CCN4: variants seen among roughly 807,000 people sequenced by gnomAD.
CCN4 encodes CCN family member 4.
Under a neutral mutation model 36.7 loss-of-function variants are expected in CCN4, and 30 were observed. The observed-to-expected ratio is 0.82, with a 90% CI of 0.61 to 1.11. The LOEUF (loss-of-function observed/expected upper bound fraction) is 1.11, where lower values mean the gene tolerates loss of function less well. CCN4 is among the 50% of genes least tolerant of loss of function. The probability of loss-of-function intolerance (pLI) is 0.00; values close to 1 mark genes in which losing one functional copy is unlikely to be tolerated. For missense variants in CCN4, 505 were observed against 504.9 expected, an observed-to-expected ratio of 1.00 and a Z score of 0.00; for synonymous variants, 191 against 195.4, an observed-to-expected ratio of 0.98 and a Z score of 0.19.
In CCN4 at chr8:133,228,345, T is replaced by A. The variant is rs985785823; in HGVS notation, c.*635T>A. On this transcript the variant is annotated 3_prime_UTR_variant, in exon 5 of 5. Transcript: ENST00000250160. ...TAAGTTTCTCTTCACCCCTACACTG[T>A]GAAGGGTACAGATTAGGTTTGTCCC... The A allele has an allele frequency of 6.6e-6, 1 of 152,428 alleles. No individual in the cohort carries two copies. Among genetic ancestry groups the A allele is most frequent in the African/African-American group, 2.4e-5 (1 of 41,462 alleles). 9.4% of individuals were successfully genotyped at this position (152,428 alleles called of 1,614,324 possible). A position where few individuals can be genotyped will look rare whatever the true frequency, so the allele number is the denominator to read the frequency against.
At chr8:133,195,679 C>T (rs945591806) in intron 1 of CCN4, among the ~76,000 whole-genome samples, 2 of 152,154 alleles carry the variant, frequency 1.3e-5, no homozygotes, top group Non-Finnish European at 2.9e-5. Flanking sequence ...GGAGTGGGCA[C>T]GGGAACAGGC....
At chr8:133,220,542 C>T (rs375786314) in intron 2 of CCN4, 39 bp from the exon 3 acceptor site, 25 of 1,596,162 alleles carry the variant, frequency 1.6e-5, no homozygotes, top group Non-Finnish European at 1.7e-5. Flanking sequence ...GCCAGGGGCA[C>T]CAAGGCCACT....
intron 1 of CCN4, among the ~76,000 whole-genome samples, chr8:133,209,373 A>G (rs1377962499): frequency 1.3e-5 from 2 of 152,210 alleles, no homozygotes; most frequent in African/African-American, 4.8e-5. Context: ...CCTGGGGTCC[A>G]GAGGGTTTTC....
At chr8:133,207,637 A>G (rs1853827993) in intron 1 of CCN4, among the ~76,000 whole-genome samples, 1 of 152,188 alleles carries the variant, frequency 6.6e-6, no homozygotes, top group Admixed American at 6.5e-5. Flanking sequence ...GCTCAGGGGA[A>G]CATTAGCAGA....
chr8:133,193,325 C>A (rs1371038154), intron 1 of CCN4, among the ~76,000 whole-genome samples: 1 of 152,162 alleles, frequency 6.6e-6, no homozygotes, highest in Non-Finnish European at 1.5e-5. Context: ...AGGGGGACTT[C>A]TCTGGGAGAT....
chr8:133,218,710 T>G (rs979505170), intron 2 of CCN4, among the ~76,000 whole-genome samples: 1 of 152,106 alleles, frequency 6.6e-6, no homozygotes, highest in Non-Finnish European at 1.5e-5. Context: ...TGTCCGGGGC[T>G]CTTTACCTGC....
At chr8:133,209,586 G>A (rs927228258) in intron 1 of CCN4, among the ~76,000 whole-genome samples, 8 of 152,334 alleles carry the variant, frequency 5.3e-5, no homozygotes, top group African/African-American at 1.9e-4. Context: ...GCACCTCCAG[G>A]CACTTAGAAA....
chr8:133,200,952 T>A (rs1006938778), intron 1 of CCN4, among the ~76,000 whole-genome samples: 1 of 152,204 alleles, frequency 6.6e-6, no homozygotes, highest in African/African-American at 2.4e-5. Flanking sequence ...CTCCCTCTCA[T>A]CAATTTCCAC....
intron 2 of CCN4, among the ~76,000 whole-genome samples, chr8:133,217,099 G>A (rs1004668280): frequency 2.6e-5 from 4 of 152,196 alleles, no homozygotes; most frequent in Non-Finnish European, 5.9e-5. Context: ...TTAAGTCTCA[G>A]TTTCTTCTTC....
In CCN4 at chr8:133,225,414, G is replaced by A. The variant is rs1854691557; in HGVS notation, c.635G>A (p.Trp212Ter). 2 of 1,606,494 alleles carry A rather than the reference G, an allele frequency of 1.2e-6. No homozygotes were observed. The highest frequency in any genetic ancestry group is 8.5e-7 in the Non-Finnish European group (1 of 1,174,884). ...AFDAVGEVEAWHRNCIAYTSP... is the reference protein window; with the variant it reads ...AFDAVGEVEA The stretch of plus-strand genomic sequence containing the variant: ...GATGCTGTGGGTGAGGTGGAGGCAT[G>A]GCACAGGAACTGCATAGCCTACACA... Residue 212 changes from tryptophan to a stop codon, truncating the protein, a stop_gained, in exon 4 of 5, where the codon TGG (tryptophan) becomes TAG (stop). Transcript: ENST00000250160. LOFTEE classifies it high-confidence loss of function.
chr8:133,218,951 C>T (rs924011183), intron 2 of CCN4, among the ~76,000 whole-genome samples: 9 of 152,098 alleles, frequency 5.9e-5, no homozygotes, highest in Admixed American at 1.3e-4. Flanking sequence ...TCCTTTCCCC[C>T]GCACAGCCCC....
At chr8:133,194,386 T>G (rs1588176968) in intron 1 of CCN4, among the ~76,000 whole-genome samples, 8 of 63,090 alleles carry the variant, frequency 1.3e-4, no homozygotes, top group East Asian at 5.3e-4. Flanking sequence ...GGGGTGTGTG[T>G]GTGGTGTGTG....
chr8:133,193,895 G>A (rs1853205757), intron 1 of CCN4, among the ~76,000 whole-genome samples: 2 of 152,164 alleles, frequency 1.3e-5, no homozygotes, highest in South Asian at 4.1e-4. Context: ...AGGTGACAGG[G>A]GTAACGTCAG....
chr8:133,217,737 C>A (rs985072064), intron 2 of CCN4, among the ~76,000 whole-genome samples: 2 of 152,144 alleles, frequency 1.3e-5, no homozygotes, highest in Non-Finnish European at 2.9e-5. Flanking sequence ...AGAATACTGA[C>A]ACCCAGGTTC....
intron 1 of CCN4, among the ~76,000 whole-genome samples, chr8:133,196,517 T>G (rs1402850831): frequency 6.6e-6 from 1 of 152,194 alleles, no homozygotes; most frequent in Non-Finnish European, 1.5e-5. Context: ...CTATGGCTCT[T>G]ATTGTATTTT....
At chr8:133,198,173 A>G (rs1415141182) in intron 1 of CCN4, among the ~76,000 whole-genome samples, 4 of 152,228 alleles carry the variant, frequency 2.6e-5, no homozygotes, top group Non-Finnish European at 4.4e-5. Context: ...GGGCAGATCC[A>G]TCATTTAACA....
intron 1 of CCN4, among the ~76,000 whole-genome samples, chr8:133,204,330 G>A (rs1396996219): frequency 6.6e-6 from 1 of 152,228 alleles, no homozygotes; most frequent in Non-Finnish European, 1.5e-5. Flanking sequence ...GTGAACTGCT[G>A]TGTGAAAGCA....
intron 1 of CCN4, among the ~76,000 whole-genome samples, chr8:133,204,375 TG>T (rs1853691934): frequency 6.6e-6 from 1 of 152,138 alleles, no homozygotes; most frequent in South Asian, 2.1e-4. Context: ...AACATGGGTG[TG>T]GGTTGTACAA....
rs1588208789 is a variant in CCN4 at position 133,227,548 on chromosome 8, G to A, written c.942G>A (p.Lys314=). 1 of 1,614,250 alleles carries A rather than the reference G, an allele frequency of 6.2e-7. No individual in the cohort carries two copies. Among genetic ancestry groups the A allele is most frequent in the South Asian group, 1.1e-5 (1 of 91,084 alleles). ...CMDNRCCIPY[K]SKTIDVSFQC... ...ACAATAGGTGCTGCATCCCCTACAAGTCTAAGACTATCGACGTGTCCTTCC... is the reference window on the plus strand; with the variant it reads ...ACAATAGGTGCTGCATCCCCTACAAATCTAAGACTATCGACGTGTCCTTCC... Residue 314 remains lysine (K), a synonymous_variant, in exon 5 of 5, where the codon AAG becomes AAA. Coordinates refer to ENST00000250160, the MANE Select transcript of CCN4 (RefSeq NM_003882.4).
Sources: gnomAD v4.1 joint callset for allele counts (sites outside exome capture counted in the v4.1 genomes callset) on GRCh38, gnomAD v4.1.1 for gene constraint, MANE v1.5 for transcripts, NCBI Gene and HGNC (gene_info 2026-07-23, HGNC 2026-07-21) for gene names.